Variants in HHIPL1 observed in about 807,000 individuals in gnomAD.
HHIPL1 encodes the protein HHIP-like protein 1.
HHIPL1 carries 43 observed loss-of-function variants against 61.8 expected under a neutral mutation model. That is an observed-to-expected ratio of 0.70 (90% CI 0.55 to 0.90). HHIPL1 has a LOEUF of 0.90. HHIPL1 is among the 40% of genes least tolerant of loss of function. The pLI is 0.00. For synonymous variants in HHIPL1, 482 were observed against 515.8 expected (o/e 0.93, Z 0.89); for missense variants, 1,056 against 1,157.7 (o/e 0.91, Z 1.28).
Position 99,652,677 on chromosome 14 carries a change from C to T in HHIPL1, c.709C>T (p.Arg237Trp), listed in dbSNP as rs763654492. The T allele has an allele frequency of 3.1e-6, 5 of 1,613,772 alleles. No homozygotes were observed. The highest frequency in any genetic ancestry group is 1.7e-5 in the Admixed American group (1 of 59,988). Reference protein sequence around the residue: ...RLGKPFLNISRVVLTSPWEGD... With the variant: ...RLGKPFLNISWVVLTSPWEGD... The stretch of plus-strand genomic sequence containing the variant: ...GGGGAAGCCTTTCCTGAACATCAGC[C>T]GGGTGGTGCTCACCTCGCCCTGGGA... Residue 237 changes from arginine (R) to tryptophan (W), a missense_variant, in exon 2 of 9, where the codon CGG becomes TGG. By Grantham distance (101) the Arg-to-Trp change is moderately radical (BLOSUM62 -3). Coordinates refer to ENST00000330710, the MANE Select transcript of HHIPL1 (RefSeq NM_001127258.3).
At chr14:99,641,822 T>A (rs1246332727), upstream of HHIPL1, among the ~76,000 whole-genome samples, 1 of 152,238 alleles carries the variant, frequency 6.6e-6, no homozygotes, top group Admixed American at 6.5e-5. Context: ...TCTTTGGTTG[T>A]CTGCAGTTTG....
the HHIPL1 span, chr14:99,625,448 T>C: frequency 3.9e-5 from 6 of 152,340 alleles, no homozygotes; most frequent in Admixed American, 1.3e-4. Flanking sequence ...ATTATTATTA[T>C]TGTGGAGGGC....
chr14:99,654,561 A>G (rs2055996828), intron 2 of HHIPL1, among the ~76,000 whole-genome samples: 2 of 152,226 alleles, frequency 1.3e-5, no homozygotes, highest in Admixed American at 1.3e-4. Flanking sequence ...GACCCCCTGC[A>G]GTAGAGAGGA....
At chr14:99,607,791 G>T in the HHIPL1 span, among the ~76,000 whole-genome samples, 1 of 151,964 alleles carries the variant, frequency 6.6e-6, no homozygotes, top group East Asian at 1.9e-4. Flanking sequence ...GCTTCATTTT[G>T]AAGGTGAGGA....
rs1282269217 is a variant in HHIPL1 at position 99,675,475 on chromosome 14, G to C, written c.2198G>C (p.Gly733Ala). Residue 733 changes from glycine to alanine, a missense_variant, in exon 9 of 9, where the codon GGC (glycine) becomes GCC (alanine). Gly to Ala is a moderately conservative substitution (Grantham distance 60). Transcript: ENST00000330710. This position sits in a 1 kb window ranked among gnomAD's most constrained non-coding sequence, Gnocchi z 5.4. ...GTCAAGAGAGCCGAGTTCGGCCAGG[G>C]CGGCTCGCTGCCCATTCTGCTGGAC... ...RAVKRAEFGQ[G>A]GSLPILLDDV... 1 of 1,541,572 alleles carries C rather than the reference G, an allele frequency of 6.5e-7. No homozygotes were observed.
the HHIPL1 span, chr14:99,604,632 G>C: frequency 6.6e-6 from 1 of 152,170 alleles, no homozygotes; most frequent in East Asian, 1.9e-4. Context: ...CTGCGGGGAG[G>C]GGGACGGTGG....
At position 99,645,225 on chromosome 14, in the gene HHIPL1, C is replaced by G. The variant is rs748027143; in HGVS notation, c.18C>G (p.Ala6=). The G allele has an allele frequency of 1.5e-6, 2 of 1,323,244 alleles. No individual in the cohort carries two copies. The highest frequency in any genetic ancestry group is 3.1e-5 in the East Asian group (1 of 31,812). 82.0% of individuals were successfully genotyped at this position (1,323,244 alleles called of 1,614,324 possible). A position where few individuals can be genotyped will look rare whatever the true frequency, so the allele number is the denominator to read the frequency against. Residue 6 remains alanine, a synonymous_variant, in exon 1 of 9, where the codon GCC becomes GCG. Coordinates refer to ENST00000330710, the MANE Select transcript of HHIPL1 (RefSeq NM_001127258.3). The stretch of plus-strand genomic sequence containing the variant: ...GCGTAGCGATGGCCCGGGCCAGGGC[C>G]GGGGCGCTGCTGGCGCTTTGGGTGC... The part of the protein sequence containing the change: MARAR[A]GALLALWVLG...
the HHIPL1 span, among the ~76,000 whole-genome samples, chr14:99,622,445 C>T: frequency 6.6e-6 from 1 of 152,212 alleles, no homozygotes; most frequent in East Asian, 1.9e-4. Flanking sequence ...GAAGAGCTTG[C>T]TCCCCGACAA....
the HHIPL1 span, among the ~76,000 whole-genome samples, chr14:99,611,585 C>CTTT: frequency 2.3e-5 from 3 of 130,196 alleles, no homozygotes; most frequent in African/African-American, 6.2e-5. Context: ...CGTGCCTGGC[C>CTTT]TTTTTTTTTT....
chr14:99,629,659 G>A, the HHIPL1 span, among the ~76,000 whole-genome samples: 5 of 24,706 alleles, frequency 2.0e-4, no homozygotes, highest in South Asian at 4.3e-3. Flanking sequence ...CACCACGCCC[G>A]GCTAATTTTT....
At chr14:99,642,434 C>G (rs979779817), upstream of HHIPL1, among the ~76,000 whole-genome samples, 1 of 152,188 alleles carries the variant, frequency 6.6e-6, no homozygotes, top group South Asian at 2.1e-4. Flanking sequence ...CATCTTTAAG[C>G]TCACTGGTGT....
chr14:99,651,300 G>A (rs1436585748), intron 1 of HHIPL1, among the ~76,000 whole-genome samples: 3 of 146,236 alleles, frequency 2.1e-5, no homozygotes, highest in African/African-American at 7.6e-5. Context: ...ACAAAACTGG[G>A]TAATTTATAA....
chr14:99,659,008 T>C (rs1466091446), intron 3 of HHIPL1, among the ~76,000 whole-genome samples: 1 of 152,094 alleles, frequency 6.6e-6, no homozygotes, highest in African/African-American at 2.4e-5. Context: ...GAGTGTGTGG[T>C]AAAGAGCTTG....
At position 99,668,337 on chromosome 14, in the gene HHIPL1, C is replaced by G; in HGVS notation, c.1730+34C>G. 7.4e-7 allele frequency: 1 copy of G among 1,342,654 alleles called. No homozygotes were observed. The highest frequency in any genetic ancestry group is 1.1e-6 in the Non-Finnish European group (1 of 932,964). 83.2% of individuals were successfully genotyped at this position (1,342,654 alleles called of 1,614,324 possible). A position where few individuals can be genotyped will look rare whatever the true frequency, so the allele number is the denominator to read the frequency against. On this transcript the variant is annotated intron_variant, in intron 7 of 8. Transcript: ENST00000330710. The surrounding 1 kb of genome is among the most constrained non-coding windows in gnomAD (Gnocchi z 4.7). Reference sequence around the variant, plus strand: ...CAGCCTCCAGGACAGGGAGCTCCTGCTGTCTGTCAGGCCTCTTAGCTCCAC... The same window carrying G: ...CAGCCTCCAGGACAGGGAGCTCCTGGTGTCTGTCAGGCCTCTTAGCTCCAC...
chr14:99,670,552 A>G (rs2056316425), intron 7 of HHIPL1, among the ~76,000 whole-genome samples: 1 of 150,800 alleles, frequency 6.6e-6, no homozygotes, highest in East Asian at 1.9e-4. Flanking sequence ...TGTTTACCAG[A>G]CTTTTTTTTT....
chr14:99,655,270 G>A (rs979342743), intron 2 of HHIPL1, among the ~76,000 whole-genome samples: 2 of 152,166 alleles, frequency 1.3e-5, no homozygotes, highest in African/African-American at 4.8e-5. Context: ...AAAAATCAAA[G>A]TCCTGGGTTC....
At chr14:99,658,274 A>G (rs1428110594) in intron 3 of HHIPL1, among the ~76,000 whole-genome samples, 1 of 152,186 alleles carries the variant, frequency 6.6e-6, no homozygotes, top group Non-Finnish European at 1.5e-5. Flanking sequence ...TGCTGCTACA[A>G]GTTGTGCCCA....
intron 3 of HHIPL1, among the ~76,000 whole-genome samples, chr14:99,658,573 C>T (rs2056089171): frequency 6.6e-6 from 1 of 152,146 alleles, no homozygotes; most frequent in Non-Finnish European, 1.5e-5. Flanking sequence ...GGGAGGACAC[C>T]AAAATGCTAA....
Position 99,675,175 on chromosome 14 carries a change from C to T in HHIPL1, c.1898C>T (p.Ala633Val). Residue 633 changes from alanine to valine, a missense_variant, in exon 9 of 9, where the codon GCT becomes GTT. Physicochemically the swap from Ala to Val is moderately conservative, Grantham distance 64. Coordinates refer to ENST00000330710, the MANE Select transcript of HHIPL1 (RefSeq NM_001127258.3). This position sits in a 1 kb window ranked among gnomAD's most constrained non-coding sequence, Gnocchi z 5.4. ...CCCCGCCGAGGGCGCCCCACGGCCGCTCCCCCCGCGCCAACCCCGCGGCCA... is the reference window on the plus strand; with the variant it reads ...CCCCGCCGAGGGCGCCCCACGGCCGTTCCCCCCGCGCCAACCCCGCGGCCA... ...RAPRRGRPTAAPPAPTPRPAR... is the reference protein window; with the variant it reads ...RAPRRGRPTAVPPAPTPRPAR... 1 of 1,123,054 alleles carries T rather than the reference C, an allele frequency of 8.9e-7. No individual in the cohort carries two copies. The highest frequency in any genetic ancestry group is 1.1e-6 in the Non-Finnish European group (1 of 911,508). 69.6% of individuals were successfully genotyped at this position (1,123,054 alleles called of 1,614,324 possible). A position where few individuals can be genotyped will look rare whatever the true frequency, so the allele number is the denominator to read the frequency against.
Sources: allele counts gnomAD v4.1 joint callset (sites outside exome capture counted in the v4.1 genomes callset), GRCh38; gene constraint gnomAD v4.1.1; non-coding constraint Gnocchi (gnomAD v3.1); transcripts MANE v1.5; gene names NCBI Gene and HGNC (gene_info 2026-07-23, HGNC 2026-07-21).